TCF7L2: variants seen among roughly 807,000 people sequenced by gnomAD.
The protein encoded by TCF7L2 is transcription factor 7 like 2.
A neutral mutation model predicts 77.9 loss-of-function variants in TCF7L2; 23 were observed. The observed-to-expected ratio is 0.30, with a 90% CI of 0.21 to 0.42. The LOEUF (loss-of-function observed/expected upper bound fraction) is 0.42, where lower values mean the gene tolerates loss of function less well. Ranked by LOEUF, TCF7L2 falls within the 10% of genes least tolerant of loss-of-function variation. TCF7L2 has a pLI of 1.00. For missense variants in TCF7L2, 654 were observed against 793.1 expected (o/e 0.82, Z 2.11); for synonymous variants, 413 against 340.2 (o/e 1.21, Z -2.36).
intron 5 of TCF7L2, among the ~76,000 whole-genome samples, chr10:113,043,510 G>A (rs1268787665): frequency 6.6e-6 from 1 of 152,150 alleles, no homozygotes; most frequent in Non-Finnish European, 1.5e-5. Flanking sequence ...TTGCAACAGG[G>A]ACGATGCCTT....
chr10:112,988,658 A>C (rs1235950748), intron 4 of TCF7L2, among the ~76,000 whole-genome samples: 1 of 152,166 alleles, frequency 6.6e-6, no homozygotes, highest in Non-Finnish European at 1.5e-5. Flanking sequence ...CCAGTTATGA[A>C]ATGGGGCTGG....
chr10:113,056,325 G>A (rs2055373488), intron 5 of TCF7L2, among the ~76,000 whole-genome samples: 1 of 152,184 alleles, frequency 6.6e-6, no homozygotes, highest in Admixed American at 6.5e-5. Context: ...AATTACTTGG[G>A]ATTTGTTTGA....
chr10:113,038,514 G>C (rs184356298), intron 4 of TCF7L2, among the ~76,000 whole-genome samples: 1 of 152,278 alleles, frequency 6.6e-6, no homozygotes, highest in East Asian at 1.9e-4. Context: ...CCAAGCAGTC[G>C]TATCTTCGAG....
chr10:113,107,186 G>A (rs1395457653), intron 5 of TCF7L2, among the ~76,000 whole-genome samples: 1 of 152,180 alleles, frequency 6.6e-6, no homozygotes, highest in Non-Finnish European at 1.5e-5. Flanking sequence ...AGCTTGGCCT[G>A]CCAAAGCTTG....
intron 5 of TCF7L2, among the ~76,000 whole-genome samples, chr10:113,076,135 CAAAA>C (rs34089010): frequency 3.0e-5 from 2 of 65,982 alleles, no homozygotes; most frequent in African/African-American, 6.0e-5. Context: ...GACTCCATCT[CAAAA>C]AAAAAAAAAA....
rs2031280050 is a variant in TCF7L2 at position 112,951,489 on chromosome 10, A to T, written c.263A>T (p.Lys88Met). ...CGCCGCCCCGCCATGTTAGCGGCCA[A>T]GAGGCAAGATGGAGGGCTCTTTAAG... Residue 88 changes from lysine (K) to methionine (M), a missense_variant, in exon 3 of 14, where the codon AAG (lysine) becomes ATG (methionine). Physicochemically the swap from Lys to Met is moderately conservative, Grantham distance 95 (BLOSUM62 -1). This residue lies in a region of TCF7L2 where 132 missense variants were observed against 123.7 expected (regional missense o/e 1.07). Transcript: ENST00000627217. 7.0e-7 allele frequency: 1 copy of T among 1,431,192 alleles called. No individual in the cohort carries two copies. The highest frequency in any genetic ancestry group is 9.3e-7 in the Non-Finnish European group (1 of 1,069,844). 88.7% of individuals were successfully genotyped at this position (1,431,192 alleles called of 1,614,324 possible).
In TCF7L2 at chr10:113,075,543, A is replaced by C. The variant is rs530057984; in HGVS notation, c.552+35417A>C. On this transcript the variant is annotated intron_variant, in intron 5 of 13. Transcript: ENST00000627217. ...CAAATGTATTTTTTTTAATGTTGCC[A>C]ATTACTTTATGTGTTTAAAAAATAT... Among the ~76,000 whole-genome samples the C allele has an allele frequency of 1.7e-3, 258 of 152,300 alleles. 1 individual carries two copies. The highest frequency in any genetic ancestry group is 6.1e-3 in the African/African-American group (252 of 41,566).
chr10:112,951,162 G>C (rs753972428), intron 1 of TCF7L2, 45 bp from the exon 2 acceptor site: 2 of 1,495,518 alleles, frequency 1.3e-6, no homozygotes, highest in Non-Finnish European at 1.8e-6. Context: ...CCCCTTCTGC[G>C]TGGCGTTTGC....
At chr10:112,957,337 A>G (rs1244538074) in intron 3 of TCF7L2, among the ~76,000 whole-genome samples, 2 of 151,848 alleles carry the variant, frequency 1.3e-5, no homozygotes, top group Non-Finnish European at 2.9e-5. Flanking sequence ...TACACATTAC[A>G]TAGTACACTA....
chr10:113,059,383 A>G (rs1268336568), intron 5 of TCF7L2, among the ~76,000 whole-genome samples: 1 of 148,900 alleles, frequency 6.7e-6, no homozygotes, highest in Non-Finnish European at 1.5e-5. Flanking sequence ...AAACATTGGT[A>G]TTCAAAAATA....
intron 3 of TCF7L2, among the ~76,000 whole-genome samples, chr10:112,958,070 A>T (rs1335669993): frequency 6.6e-6 from 1 of 152,218 alleles, no homozygotes. Context: ...ATGAATCCCT[A>T]AACAGCTCAT....
At chr10:113,162,220 A>G (rs1274054024) in intron 13 of TCF7L2, among the ~76,000 whole-genome samples, 1 of 152,130 alleles carries the variant, frequency 6.6e-6, no homozygotes, top group Non-Finnish European at 1.5e-5. Flanking sequence ...ACTAAAAGAG[A>G]GGGTTTCTCA....
intron 5 of TCF7L2, among the ~76,000 whole-genome samples, chr10:113,073,414 C>G (rs1383963438): frequency 6.9e-6 from 1 of 145,654 alleles, no homozygotes; most frequent in Non-Finnish European, 1.5e-5. Flanking sequence ...CTCCGTAATT[C>G]CGGCACTTTG....
intron 5 of TCF7L2, among the ~76,000 whole-genome samples, chr10:113,060,933 A>G (rs1190548671): frequency 6.6e-6 from 1 of 152,094 alleles, no homozygotes; most frequent in Non-Finnish European, 1.5e-5. Flanking sequence ...ACCCTATCAC[A>G]TCTAGGCAAA....
chr10:112,950,565 C>A lies in TCF7L2; in HGVS notation c.-192C>A, dbSNP rs2030688324. The A allele has an allele frequency of 9.6e-6, 5 of 519,470 alleles. No homozygotes were observed. The East Asian group carries it at 1.8e-4, about 19-fold the overall frequency. The allele number at this position is 519,470 out of a possible 1,614,324, so 32.2% of individuals were successfully genotyped here. ...CACGCGTGCAGAAGATCTCCCCCCC[C>A]TTCCCCTCCCCTCCTCCCTCTTTTC... On this transcript the variant is annotated 5_prime_UTR_variant, in exon 1 of 14. Coordinates refer to ENST00000627217, the MANE Select transcript of TCF7L2 (RefSeq NM_001146274.2).
chr10:113,135,001 T>C (rs1298412922), intron 5 of TCF7L2, among the ~76,000 whole-genome samples: 1 of 152,212 alleles, frequency 6.6e-6, no homozygotes, highest in Non-Finnish European at 1.5e-5. Flanking sequence ...AATGGCTCTA[T>C]TTGTTTTCAG....
At chr10:113,120,094 T>G (rs1010282846) in intron 5 of TCF7L2, among the ~76,000 whole-genome samples, 3 of 152,250 alleles carry the variant, frequency 2.0e-5, no homozygotes, top group African/African-American at 7.2e-5. Context: ...CATCGACTGA[T>G]GAGACCAGAG....
chr10:113,036,532 T>G (rs1029931776), intron 4 of TCF7L2, among the ~76,000 whole-genome samples: 4 of 152,140 alleles, frequency 2.6e-5, no homozygotes, highest in Non-Finnish European at 5.9e-5. Context: ...ATTTCAAGAT[T>G]TGCTCACAGG....
At chr10:113,109,094 C>G (rs1591799902) in intron 5 of TCF7L2, among the ~76,000 whole-genome samples, 1 of 152,186 alleles carries the variant, frequency 6.6e-6, no homozygotes, top group Non-Finnish European at 1.5e-5. Context: ...GGCCACATAA[C>G]GTAATGTGTT....
Sources: allele counts gnomAD v4.1 joint callset (sites outside exome capture counted in the v4.1 genomes callset), GRCh38; gene constraint gnomAD v4.1.1; regional missense constraint gnomAD v4.1.1; transcripts MANE v1.5; gene names NCBI Gene and HGNC (gene_info 2026-07-23, HGNC 2026-07-21).